The following DPP6 variants were observed in gnomAD, a reference collection of about 807,000 sequenced individuals.
DPP6 encodes the protein dipeptidyl peptidase like 6, also known as A-type potassium channel modulatory protein DPP6.
In DPP6, 69 loss-of-function variants were observed where a neutral mutation model predicts 122.6. The ratio of observed to expected loss-of-function variants is 0.56; its 90% CI spans 0.46 to 0.69. DPP6 has a LOEUF of 0.69. Among genes scored for constraint, DPP6 ranks in the 30% least tolerant of loss-of-function variants. The probability of loss-of-function intolerance (pLI) is 0.00; values close to 1 mark genes in which losing one functional copy is unlikely to be tolerated. For synonymous variants in DPP6, 418 were observed against 433.1 expected, an observed-to-expected ratio of 0.97 and a Z score of 0.43; for missense variants, 928 against 1,116.9, an observed-to-expected ratio of 0.83 and a Z score of 2.41.
rs117240301 is a variant in DPP6, at chr7:154,406,082, G to A, written c.244-40132G>A. Reference sequence around the variant, plus strand: ...TATTAATGCTAGCTAAAGGCAAACCGGGAGGCATGCTGTAAAGTCTATGCA... The same window carrying A: ...TATTAATGCTAGCTAAAGGCAAACCAGGAGGCATGCTGTAAAGTCTATGCA... On this transcript the variant is annotated intron_variant, in intron 1 of 25. Coordinates refer to ENST00000377770, the MANE Select transcript of DPP6 (RefSeq NM_130797.4). Among the ~76,000 whole-genome samples, 503 of 152,194 alleles carry A rather than the reference G, an allele frequency of 3.3e-3. 5 individuals are homozygous for A. Among genetic ancestry groups the A allele is most frequent in the Non-Finnish European group, 5.5e-3 (377 of 68,004 alleles).
At chr7:154,447,253 C>T (rs1430129000) in intron 2 of DPP6, among the ~76,000 whole-genome samples, 1 of 152,134 alleles carries the variant, frequency 6.6e-6, no homozygotes, top group Non-Finnish European at 1.5e-5. Flanking sequence ...TTGCAGTGAG[C>T]CATGATTGCG....
At chr7:154,604,026 C>A (rs531240694) in intron 5 of DPP6, among the ~76,000 whole-genome samples, 2 of 120,876 alleles carry the variant, frequency 1.7e-5, no homozygotes, top group African/African-American at 5.3e-5. Flanking sequence ...ACATGTTATT[C>A]TTTTACTTAA....
chr7:154,327,661 A>G (rs1279582669), intron 1 of DPP6, among the ~76,000 whole-genome samples: 1 of 152,198 alleles, frequency 6.6e-6, no homozygotes, highest in Non-Finnish European at 1.5e-5. Flanking sequence ...GAACTCAAAA[A>G]CCTCATTTCC....
At chr7:154,398,065 T>A (rs1185356918) in intron 1 of DPP6, among the ~76,000 whole-genome samples, 1 of 152,194 alleles carries the variant, frequency 6.6e-6, no homozygotes, top group Non-Finnish European at 1.5e-5. Flanking sequence ...GGTAAAACTG[T>A]TAGGAAGAAT....
At chr7:154,355,234 C>G (rs912558357) in intron 1 of DPP6, among the ~76,000 whole-genome samples, 3 of 152,084 alleles carry the variant, frequency 2.0e-5, no homozygotes, top group African/African-American at 4.8e-5. Context: ...TTGTATGGCT[C>G]CCTTATACTT....
intron 4 of DPP6, among the ~76,000 whole-genome samples, chr7:154,554,041 T>C (rs1437701379): frequency 6.6e-6 from 1 of 152,164 alleles, no homozygotes; most frequent in African/African-American, 2.4e-5. Flanking sequence ...CACTCTGCTC[T>C]ATAGCATCTA....
the DPP6 span, among the ~76,000 whole-genome samples, chr7:153,814,095 C>G: frequency 2.1e-4 from 32 of 152,156 alleles, no homozygotes; most frequent in African/African-American, 7.2e-4. Context: ...GAAGTCCTTG[C>G]CCATGCCTAT....
the DPP6 span, among the ~76,000 whole-genome samples, chr7:153,777,361 C>A: frequency 6.7e-6 from 1 of 148,908 alleles, no homozygotes; most frequent in Non-Finnish European, 1.5e-5. Context: ...GTATCTCCCA[C>A]ATGGTCCAGG....
chr7:154,843,299 C>G (rs1483953652), intron 16 of DPP6, among the ~76,000 whole-genome samples: 1 of 152,138 alleles, frequency 6.6e-6, no homozygotes, highest in Non-Finnish European at 1.5e-5. Context: ...GAGACCTTGT[C>G]TTAAATAAAT....
At chr7:153,803,875 A>G in the DPP6 span, among the ~76,000 whole-genome samples, 8 of 151,956 alleles carry the variant, frequency 5.3e-5, no homozygotes, top group East Asian at 1.6e-3. Flanking sequence ...ACACACAAGG[A>G]TATATGTACC....
intron 6 of DPP6, among the ~76,000 whole-genome samples, chr7:154,646,053 CT>C: frequency 1.6e-5 from 1 of 62,662 alleles, no homozygotes; most frequent in Non-Finnish European, 3.7e-5. Context: ...AAAGAAAATA[CT>C]GAGGGCTCTA....
chr7:154,738,375 C>T (rs1161071954), intron 8 of DPP6, among the ~76,000 whole-genome samples: 1 of 152,194 alleles, frequency 6.6e-6, no homozygotes, highest in Admixed American at 6.5e-5. Flanking sequence ...CTGATTCCCA[C>T]CACCCTCCTA....
chr7:154,635,568 A>G (rs1316878627), intron 5 of DPP6, among the ~76,000 whole-genome samples: 3 of 152,222 alleles, frequency 2.0e-5, no homozygotes, highest in Admixed American at 6.5e-5. Context: ...CTATTGCTGT[A>G]TAAGAAATTA....
chr7:153,839,226 C>G, the DPP6 span, among the ~76,000 whole-genome samples: 1 of 152,206 alleles, frequency 6.6e-6, no homozygotes, highest in African/African-American at 2.4e-5. Flanking sequence ...TGAATTCTTA[C>G]ACTGGTATCA....
chr7:154,861,380 G>T (rs1039420177), intron 17 of DPP6, among the ~76,000 whole-genome samples: 3 of 152,136 alleles, frequency 2.0e-5, no homozygotes, highest in Non-Finnish European at 4.4e-5. Context: ...ATAATCCTAT[G>T]ATATCTAAGT....
the DPP6 span, among the ~76,000 whole-genome samples, chr7:153,775,801 T>G: frequency 6.6e-6 from 1 of 152,212 alleles, no homozygotes; most frequent in Admixed American, 6.5e-5. Context: ...ATATGGTAAT[T>G]CAAAGTTTAA....
intron 1 of DPP6, among the ~76,000 whole-genome samples, chr7:154,148,107 A>C (rs778872042): frequency 6.8e-6 from 1 of 147,342 alleles, no homozygotes; most frequent in Non-Finnish European, 1.5e-5. Context: ...CGCTCATGAA[A>C]TTTTAGTGAG....
At chr7:154,866,787 T>G (rs1803908794) in intron 17 of DPP6, among the ~76,000 whole-genome samples, 1 of 152,238 alleles carries the variant, frequency 6.6e-6, no homozygotes, top group Admixed American at 6.5e-5. Context: ...TTTCATTTTA[T>G]GTACTCGTCA....
intron 6 of DPP6, among the ~76,000 whole-genome samples, chr7:154,646,834 G>A (rs1836515869): frequency 6.6e-6 from 1 of 152,132 alleles, no homozygotes; most frequent in Non-Finnish European, 1.5e-5. Context: ...CTTTCCAGGT[G>A]CAGGTCTCAG....
Sources: allele counts gnomAD v4.1 joint callset (sites outside exome capture counted in the v4.1 genomes callset), GRCh38; gene constraint gnomAD v4.1.1; transcripts MANE v1.5; gene names NCBI Gene and HGNC (gene_info 2026-07-23, HGNC 2026-07-21).